SLC12A6: variants seen among roughly 807,000 people sequenced by gnomAD.
SLC12A6 encodes solute carrier family 12 member 6.
SLC12A6 carries 66 observed loss-of-function variants against 135.3 expected under a neutral mutation model. The ratio of observed to expected loss-of-function variants is 0.49; its 90% confidence interval spans 0.40 to 0.60. SLC12A6 has a LOEUF of 0.60. Ranked by LOEUF, SLC12A6 falls within the 20% of genes least tolerant of loss-of-function variation. SLC12A6 has a pLI of 0.00. For synonymous variants in SLC12A6, 513 were observed against 508.8 expected, an observed-to-expected ratio of 1.01 and a Z score of -0.11; for missense variants, 1,058 against 1,452.3, an observed-to-expected ratio of 0.73 and a Z score of 4.41.
At chr15:34,313,640 A>C (rs1208645005) in intron 2 of SLC12A6, among the ~76,000 whole-genome samples, 1 of 152,242 alleles carries the variant, frequency 6.6e-6, no homozygotes, top group African/African-American at 2.4e-5. Flanking sequence ...CTGGAGAGGA[A>C]GCAGTCTTAT....
At position 34,230,437 on chromosome 15, in the gene SLC12A6, G is replaced by C. The variant is rs958154049; in HGVS notation, c.*3444C>G. On this transcript the variant is annotated 3_prime_UTR_variant, in exon 26 of 26. Transcript: ENST00000354181. ...GCCACAGGAATCTGAGGCAACGGAA[G>C]ATATATAGAGTGATCGTCCCCCTGC... The C allele has an allele frequency of 6.6e-6, 1 of 152,352 alleles. No individual in the cohort carries two copies. The highest frequency in any genetic ancestry group is 1.5e-5 in the Non-Finnish European group (1 of 68,100). 9.4% of individuals were successfully genotyped at this position (152,352 alleles called of 1,614,324 possible).
intron 2 of SLC12A6, among the ~76,000 whole-genome samples, chr15:34,321,440 G>A (rs1053202176): frequency 2.0e-5 from 3 of 152,112 alleles, no homozygotes; most frequent in African/African-American, 7.2e-5. Flanking sequence ...TCACAATGAG[G>A]TTATCACTAC....
intron 2 of SLC12A6, among the ~76,000 whole-genome samples, chr15:34,281,744 C>T (rs1381008275): frequency 3.3e-5 from 5 of 151,958 alleles, no homozygotes; most frequent in East Asian, 1.9e-4. Context: ...GCCAAGATGG[C>T]GCCACTGCAC....
Position 34,244,220 on chromosome 15 carries a change from C to A in SLC12A6, c.1944-148G>T. On this transcript the variant is annotated intron_variant, in intron 15 of 25. Coordinates refer to ENST00000354181, the MANE Select transcript of SLC12A6 (RefSeq NM_001365088.1). ...AAGTAGGGAAACTTAAACCTCTCCC[C>A]ACAAAACTGTTCATCCTTCTCTGTT... 4.5e-6 allele frequency: 3 copies of A among 670,194 alleles called. No homozygotes were observed. The Admixed American group carries it at 6.5e-5, about 14-fold the overall frequency. The allele number at this position is 670,194 out of a possible 1,614,324, so 41.5% of individuals were successfully genotyped here. A position where few individuals can be genotyped will look rare whatever the true frequency, so the allele number is the denominator to read the frequency against.
At chr15:34,235,964 G>A (rs545980432) in intron 24 of SLC12A6, 51 bp downstream of exon 24, 2 of 1,378,724 alleles carry the variant, frequency 1.5e-6, no homozygotes, top group Non-Finnish European at 2.1e-6. Context: ...AGTCACATTT[G>A]TGCCACTGAT....
At position 34,250,635 on chromosome 15, in the gene SLC12A6, A is replaced by C; in HGVS notation, c.1587T>G (p.Phe529Leu). The C allele has an allele frequency of 6.5e-7, 1 of 1,535,184 alleles. No individual in the cohort carries two copies. The highest frequency in any genetic ancestry group is 9.0e-7 in the Non-Finnish European group (1 of 1,108,278). Residue 529 changes from phenylalanine to leucine, a missense_variant, in exon 12 of 26, where the codon TTT (phenylalanine) becomes TTG (leucine). By Grantham distance (22) the Phe-to-Leu change is conservative. Around this residue, in one of 6 missense-constraint regions of SLC12A6, gnomAD observed 297 missense variants for 318.5 expected, o/e 0.93. Transcript: ENST00000354181. ...GTILAILTTS[F>L]VYLSNVVLFG... is the part of the protein sequence containing the mutation. ...CTGGATCCATAAAAAGGATACAAAC[A>C]AAGGAGGTGGTCAGGATGGCAAGGA...
At chr15:34,323,113 C>T (rs1889229742) in intron 2 of SLC12A6, among the ~76,000 whole-genome samples, 1 of 150,008 alleles carries the variant, frequency 6.7e-6, no homozygotes, top group South Asian at 2.1e-4. Flanking sequence ...AGAAAATATT[C>T]ATAAAACATA....
At chr15:34,326,593 C>A (rs1889470852) in intron 2 of SLC12A6, among the ~76,000 whole-genome samples, 1 of 152,030 alleles carries the variant, frequency 6.6e-6, no homozygotes, top group Non-Finnish European at 1.5e-5. Context: ...GCTCTAGGCA[C>A]ATAATTTGTG....
chr15:34,248,035 G>A (rs948885183), intron 13 of SLC12A6, among the ~76,000 whole-genome samples: 6 of 152,044 alleles, frequency 3.9e-5, no homozygotes, highest in South Asian at 2.1e-4. Flanking sequence ...GAGTTTTACC[G>A]TTTTAAAACT....
At chr15:34,317,400 A>G (rs1011093838) in intron 2 of SLC12A6, among the ~76,000 whole-genome samples, 9 of 152,192 alleles carry the variant, frequency 5.9e-5, no homozygotes, top group African/African-American at 2.2e-4. Context: ...TCACAGAATC[A>G]CGGAATTAAA....
In SLC12A6 at chr15:34,240,771, G is replaced by A; in HGVS notation, c.2326C>T (p.Leu776Phe). The A allele has an allele frequency of 1.9e-6, 3 of 1,614,034 alleles. No individual in the cohort carries two copies. The highest frequency in any genetic ancestry group is 2.5e-6 in the Non-Finnish European group (3 of 1,179,892). The part of the protein sequence containing the change: ...DEDLHVKHPR[L>F]LTFASQLKAG... ...TTGAGCTGTGAGGCAAAGGTGAGGA[G>A]GCGAGGATGCTTGACATGTAAGTCT... The change falls in exon 19 of 26, where the codon CTC becomes TTC. Residue 776 changes from leucine (L) to phenylalanine (F), a missense_variant. By Grantham distance (22) the Leu-to-Phe change is conservative (BLOSUM62 0). Transcript: ENST00000354181.
intron 3 of SLC12A6, among the ~76,000 whole-genome samples, chr15:34,264,004 GAA>G (rs576181885): frequency 6.9e-6 from 1 of 145,670 alleles, no homozygotes; most frequent in African/African-American, 2.5e-5. Context: ...TTAATAAATA[GAA>G]AAAAAAAAAT....
intron 4 of SLC12A6, among the ~76,000 whole-genome samples, chr15:34,259,925 G>T (rs1321090687): frequency 6.6e-6 from 1 of 152,198 alleles, no homozygotes; most frequent in Non-Finnish European, 1.5e-5. Context: ...GTTACCAAAA[G>T]CTTGGGGTGT....
At chr15:34,261,391 G>A (rs577451311) in intron 3 of SLC12A6, among the ~76,000 whole-genome samples, 3 of 152,262 alleles carry the variant, frequency 2.0e-5, no homozygotes, top group East Asian at 3.9e-4. Context: ...CCGCCTCCCT[G>A]GTTCAAGCGA....
intron 2 of SLC12A6, among the ~76,000 whole-genome samples, chr15:34,286,374 C>A (rs141948875): frequency 3.0e-4 from 45 of 151,948 alleles, no homozygotes; most frequent in Non-Finnish European, 5.4e-4. Context: ...CCATGCCTGG[C>A]CTTATGCTAT....
chr15:34,308,726 T>C (rs894906871), intron 2 of SLC12A6, among the ~76,000 whole-genome samples: 1 of 151,410 alleles, frequency 6.6e-6, no homozygotes, highest in Non-Finnish European at 1.5e-5. Context: ...TATTCTACAT[T>C]TGTAAATACT....
At chr15:34,284,277 CTTTTTTTTTTTTTT>C (rs71415558) in intron 2 of SLC12A6, among the ~76,000 whole-genome samples, 1 of 92,490 alleles carries the variant, frequency 1.1e-5, no homozygotes, top group African/African-American at 4.5e-5. Flanking sequence ...TGTTTCTTTT[CTTTTTTTTTTTTTT>C]TTTTTTTTTG....
intron 18 of SLC12A6, 88 bp downstream of exon 18, chr15:34,241,145 C>T: frequency 2.6e-6 from 2 of 774,302 alleles, no homozygotes; most frequent in Admixed American, 2.0e-5. Flanking sequence ...CCTTGAGCCA[C>T]ATATGGTTTC....
chr15:34,318,474 A>T (rs1888808735), intron 2 of SLC12A6: 1 of 1,049,300 alleles, frequency 9.5e-7, no homozygotes, highest in Non-Finnish European at 1.5e-6. Context: ...CTCTGTCCTA[A>T]AGAAGGCATT....
Sources: gnomAD v4.1 joint callset for allele counts (sites outside exome capture counted in the v4.1 genomes callset) on GRCh38, gnomAD v4.1.1 for gene constraint, gnomAD v4.1.1 regional missense constraint, MANE v1.5 for transcripts, NCBI Gene and HGNC (gene_info 2026-07-23, HGNC 2026-07-21) for gene names.